COG3: variants seen among roughly 807,000 people sequenced by gnomAD.
COG3 encodes the protein component of oligomeric golgi complex 3.
COG3 carries 32 observed loss-of-function variants against 114.1 expected under a neutral mutation model. That is an observed-to-expected ratio of 0.28 (90% CI 0.21 to 0.38). COG3 has a LOEUF of 0.38. Among genes scored for constraint, COG3 ranks in the 10% least tolerant of loss-of-function variants. The pLI, the probability that COG3 is intolerant of heterozygous loss-of-function variation, is 1.00. For synonymous variants in COG3, 352 were observed against 365.7 expected, an observed-to-expected ratio of 0.96 and a Z score of 0.43; for missense variants, 813 against 973.2, an observed-to-expected ratio of 0.84 and a Z score of 2.19.
chr13:45,496,461 C>A, intron 13 of COG3, 149 bp downstream of exon 13: 1 of 499,622 alleles, frequency 2.0e-6, no homozygotes, highest in Non-Finnish European at 2.9e-6. Flanking sequence ...CTCAAGTGAT[C>A]CACCTGCCTC....
At chr13:45,498,767 G>C (rs1282391710) in intron 13 of COG3, among the ~76,000 whole-genome samples, 2 of 140,460 alleles carry the variant, frequency 1.4e-5, no homozygotes, top group East Asian at 4.1e-4. Flanking sequence ...TTGGGAAGCA[G>C]TTTTGCTATT....
At chr13:45,494,337 A>C (rs1427318459) in intron 12 of COG3, among the ~76,000 whole-genome samples, 4 of 151,886 alleles carry the variant, frequency 2.6e-5, no homozygotes, top group Non-Finnish European at 5.9e-5. Context: ...AAAAAAAAAA[A>C]AAAAAAACAA....
chr13:45,516,938 T>G (rs1008782198), intron 17 of COG3, among the ~76,000 whole-genome samples: 7 of 152,106 alleles, frequency 4.6e-5, no homozygotes, highest in African/African-American at 1.7e-4. Flanking sequence ...GGTCTTTGAG[T>G]TGGTAATAGA....
At chr13:45,511,724 GTC>G in intron 15 of COG3, 39 bp from the exon 16 acceptor site, 1 of 1,477,786 alleles carries the variant, frequency 6.8e-7, no homozygotes, top group Non-Finnish European at 9.4e-7. Flanking sequence ...TTTTTGTTTT[GTC>G]AAATGCCACA....
At chr13:45,521,577 G>GCACA (rs3084002) in intron 19 of COG3, among the ~76,000 whole-genome samples, 8,921 of 148,426 alleles carry the variant, frequency 0.06, 319 homozygotes, top group East Asian at 0.19. Flanking sequence ...ATACATACGT[G>GCACA]CACACACACA....
At chr13:45,534,049 A>G (rs1028382677) in intron 22 of COG3, among the ~76,000 whole-genome samples, 1 of 152,152 alleles carries the variant, frequency 6.6e-6, no homozygotes, top group Non-Finnish European at 1.5e-5. Context: ...CCCTCCTATC[A>G]CTACTGTGAC....
intron 12 of COG3, among the ~76,000 whole-genome samples, chr13:45,495,057 G>T (rs181777533): frequency 6.7e-6 from 1 of 150,158 alleles, no homozygotes; most frequent in East Asian, 2.0e-4. Flanking sequence ...TGTTGGCCAG[G>T]ATGGTCTCGA....
At chr13:45,518,909 G>T (rs780609331) in intron 18 of COG3, 51 bp from the exon 19 acceptor site, 2 of 1,612,518 alleles carry the variant, frequency 1.2e-6, no homozygotes, top group Non-Finnish European at 1.7e-6. Context: ...TACATGTCTG[G>T]TGATTTCTAG....
chr13:45,523,645 T>G (rs968462662), intron 19 of COG3, among the ~76,000 whole-genome samples: 8 of 152,200 alleles, frequency 5.3e-5, no homozygotes, highest in African/African-American at 1.9e-4. Flanking sequence ...ATAAAAATAC[T>G]TGTGCGAAAC....
intron 1 of COG3, among the ~76,000 whole-genome samples, chr13:45,467,656 C>A (rs1214916790): frequency 2.6e-5 from 4 of 152,218 alleles, no homozygotes; most frequent in Admixed American, 1.3e-4. Context: ...GAAGGCAGTT[C>A]TCATTGCTCT....
intron 9 of COG3, 86 bp from the exon 10 acceptor site, chr13:45,491,326 G>A: frequency 1.4e-6 from 2 of 1,403,918 alleles, no homozygotes; most frequent in South Asian, 1.4e-5. Flanking sequence ...CTTTAAAAGA[G>A]GTTTGGCAAC....
At chr13:45,502,817 C>T (rs1315562000) in intron 13 of COG3, among the ~76,000 whole-genome samples, 1 of 152,118 alleles carries the variant, frequency 6.6e-6, no homozygotes, top group African/African-American at 2.4e-5. Flanking sequence ...TCCATTGTCT[C>T]ATTTTTATGA....
chr13:45,474,364 A>G (rs1209894482), intron 1 of COG3, among the ~76,000 whole-genome samples: 4 of 151,636 alleles, frequency 2.6e-5, no homozygotes, highest in Middle Eastern at 3.2e-3. Flanking sequence ...GGGTTTCACC[A>G]TGTTAGCCAG....
chr13:45,515,810 C>T (rs959777983), intron 16 of COG3, among the ~76,000 whole-genome samples: 31 of 152,214 alleles, frequency 2.0e-4, no homozygotes, highest in Non-Finnish European at 4.0e-4. Context: ...TTTACCTCCT[C>T]TGCTCTGGGC....
intron 2 of COG3, among the ~76,000 whole-genome samples, chr13:45,478,370 G>C (rs1172170257): frequency 1.3e-5 from 2 of 151,552 alleles, no homozygotes; most frequent in South Asian, 4.2e-4. Flanking sequence ...TAGTAGAGAC[G>C]GGGTTTCACC....
chr13:45,485,126 A>G (rs1182515948), intron 7 of COG3, among the ~76,000 whole-genome samples: 3 of 148,700 alleles, frequency 2.0e-5, no homozygotes, highest in South Asian at 2.2e-4. Flanking sequence ...CACACCTCCC[A>G]GACGGGGCGG....
intron 15 of COG3, among the ~76,000 whole-genome samples, chr13:45,510,337 G>A (rs1329202680): frequency 6.6e-6 from 1 of 152,158 alleles, no homozygotes; most frequent in Non-Finnish European, 1.5e-5. Flanking sequence ...GCTACCAAAA[G>A]TGCCTTTTGC....
intron 13 of COG3, among the ~76,000 whole-genome samples, chr13:45,501,289 C>G (rs567459884): frequency 3.4e-4 from 52 of 152,162 alleles, no homozygotes; most frequent in African/African-American, 8.7e-4. Flanking sequence ...GTCTCTTTTT[C>G]CAGTTTGTTG....
chr13:45,473,607 G>C (rs1885663262), intron 1 of COG3, among the ~76,000 whole-genome samples: 2 of 152,122 alleles, frequency 1.3e-5, no homozygotes, highest in South Asian at 4.1e-4. Flanking sequence ...AACTTACTCT[G>C]TTGCTGCTAT....
Sources: allele counts gnomAD v4.1 joint callset (sites outside exome capture counted in the v4.1 genomes callset), GRCh38; gene constraint gnomAD v4.1.1; transcripts MANE v1.5; gene names NCBI Gene and HGNC (gene_info 2026-07-23, HGNC 2026-07-21).